DTX1: variants seen among roughly 807,000 people sequenced by gnomAD.
The protein encoded by DTX1 is E3 ubiquitin-protein ligase DTX1.
A neutral mutation model predicts 57.8 loss-of-function variants in DTX1; 26 were observed. That is an observed-to-expected ratio of 0.45 (90% confidence interval 0.33 to 0.62). The LOEUF (loss-of-function observed/expected upper bound fraction) is 0.62. Among genes scored for constraint, DTX1 ranks in the 20% least tolerant of loss-of-function variants. DTX1 has a pLI of 0.02. For missense variants in DTX1, 704 were observed against 895.3 expected (o/e 0.79, Z 2.73); for synonymous variants, 398 against 394.1 (o/e 1.01, Z -0.12).
intron 2 of DTX1, among the ~76,000 whole-genome samples, chr12:113,059,153 T>C (rs2044650260): frequency 6.6e-6 from 1 of 151,554 alleles, no homozygotes; most frequent in African/African-American, 2.4e-5. Flanking sequence ...AGTGATAGTA[T>C]TGATGGTGGT....
chr12:113,094,166 C>T, intron 6 of DTX1, 67 bp downstream of exon 6: 1 of 1,444,914 alleles, frequency 6.9e-7, no homozygotes, highest in Non-Finnish European at 9.5e-7. Flanking sequence ...CTCACCCCTC[C>T]TCCTGGGTTC....
intron 2 of DTX1, among the ~76,000 whole-genome samples, chr12:113,061,045 C>G (rs2044660284): frequency 6.6e-6 from 1 of 152,166 alleles, no homozygotes; most frequent in Non-Finnish European, 1.5e-5. Context: ...GTTCCCGAGT[C>G]CCCAGACTTG....
At chr12:113,080,100 C>A (rs934411008) in intron 3 of DTX1, among the ~76,000 whole-genome samples, 1 of 152,142 alleles carries the variant, frequency 6.6e-6, no homozygotes, top group African/African-American at 2.4e-5. Context: ...TGCATCACAG[C>A]CACTACCACC....
At chr12:113,095,002 G>C (rs756697150) in intron 7 of DTX1, 40 bp from the exon 8 acceptor site, 5 of 1,604,574 alleles carry the variant, frequency 3.1e-6, no homozygotes, top group South Asian at 2.2e-5. Flanking sequence ...GTGGGGTTTG[G>C]GGGGGTGCTG....
intron 3 of DTX1, among the ~76,000 whole-genome samples, chr12:113,087,918 TA>T (rs1356621811): frequency 6.6e-6 from 1 of 152,138 alleles, no homozygotes; most frequent in Admixed American, 6.5e-5. Flanking sequence ...TGGACCCCTC[TA>T]GGGGACAGAG....
chr12:113,098,002 G>A lies in DTX1; in HGVS notation c.*1063G>A, dbSNP rs905841290. 6.5e-6 allele frequency: 1 copy of A among 152,724 alleles called. No individual in the cohort carries two copies. Among genetic ancestry groups the A allele is most frequent in the East Asian group, 1.9e-4 (1 of 5,204 alleles). 9.5% of individuals were successfully genotyped at this position (152,724 alleles called of 1,614,324 possible). Reference sequence around the variant, plus strand: ...AAACCTACCAGTCCCACTGTGGGTGGAGAAATAAATGGTCTTTCTCCTCCT... The same window carrying A: ...AAACCTACCAGTCCCACTGTGGGTGAAGAAATAAATGGTCTTTCTCCTCCT... On this transcript the variant is annotated 3_prime_UTR_variant, in exon 10 of 10. Transcript: ENST00000548759.
chr12:113,071,270 CAG>C (rs904598252), intron 2 of DTX1, among the ~76,000 whole-genome samples: 5 of 152,254 alleles, frequency 3.3e-5, no homozygotes, highest in African/African-American at 1.2e-4. Context: ...CACCCGGTCT[CAG>C]GGGCCCAGCT....
rs755587609 is a variant in DTX1 at position 113,094,851 on chromosome 12, C to T, written c.1290C>T (p.His430=). The part of the protein sequence containing the change: ...TASGYEGVLR[H]KGVRPELVGR... Reference sequence around the variant, plus strand: ...CAGGCTACGAGGGCGTGCTTCGGCACAAGGGCGTGCGGCCTGAGCTCGTGG... The same window carrying T: ...CAGGCTACGAGGGCGTGCTTCGGCATAAGGGCGTGCGGCCTGAGCTCGTGG... Residue 430 remains histidine, a synonymous_variant, in exon 7 of 10, where the codon CAC becomes CAT. Transcript: ENST00000548759. 5 of 1,613,828 alleles carry T rather than the reference C, an allele frequency of 3.1e-6. No individual in the cohort carries two copies. Among genetic ancestry groups the T allele is most frequent in the Non-Finnish European group, 8.5e-7 (1 of 1,180,008 alleles).
chr12:113,063,312 C>T (rs2044679114), intron 2 of DTX1, among the ~76,000 whole-genome samples: 1 of 152,328 alleles, frequency 6.6e-6, no homozygotes, highest in African/African-American at 2.4e-5. Context: ...GAAGAAGCCA[C>T]ATCTTCCCTG....
intron 2 of DTX1, among the ~76,000 whole-genome samples, chr12:113,076,459 A>G (rs2044772709): frequency 2.2e-5 from 1 of 45,650 alleles, no homozygotes; most frequent in Non-Finnish European, 4.4e-5. Context: ...CTCTGCCTGG[A>G]AAAAAAAAAA....
chr12:113,097,322 G>A lies in DTX1; in HGVS notation c.*383G>A, dbSNP rs1467718742. The A allele has an allele frequency of 9.4e-6, 2 of 213,876 alleles. No individual in the cohort carries two copies. The highest frequency in any genetic ancestry group is 1.9e-5 in the Non-Finnish European group (2 of 108,080). The allele number at this position is 213,876 out of a possible 1,614,324, so 13.2% of individuals were successfully genotyped here. ...GACCCCCCCATGTGGATCCCCATCTGTGTCTCAGTTGCATCTGTACAGCCT... is the reference window on the plus strand; with the variant it reads ...GACCCCCCCATGTGGATCCCCATCTATGTCTCAGTTGCATCTGTACAGCCT... On this transcript the variant is annotated 3_prime_UTR_variant, in exon 10 of 10. Transcript: ENST00000548759.
At position 113,077,374 on chromosome 12, in the gene DTX1, C is replaced by T; in HGVS notation, c.260-50C>T. The T allele has an allele frequency of 6.5e-7, 1 of 1,541,032 alleles. No homozygotes were observed. The highest frequency in any genetic ancestry group is 1.3e-5 in the South Asian group (1 of 79,788). ...TGGCTGTGGCCCGCCCTTCCAGCCG[C>T]GCAGACCAACGCCCGCTGTGCTGAC... On this transcript the variant is annotated intron_variant, in intron 2 of 9. Transcript: ENST00000548759. This position sits in a 1 kb window ranked among gnomAD's most constrained non-coding sequence, Gnocchi z 7.8.
At chr12:113,068,908 A>AC (rs1271616489) in intron 2 of DTX1, among the ~76,000 whole-genome samples, 2 of 152,224 alleles carry the variant, frequency 1.3e-5, no homozygotes, top group Non-Finnish European at 2.9e-5. Flanking sequence ...TTCAATCTTC[A>AC]CTTAGTAGCC....
intron 3 of DTX1, among the ~76,000 whole-genome samples, chr12:113,090,947 T>C (rs1950243044): frequency 1.3e-5 from 2 of 152,228 alleles, no homozygotes; most frequent in African/African-American, 2.4e-5. Context: ...CCATGCATGA[T>C]GTGAATCAGT....
At position 113,093,904 on chromosome 12, in the gene DTX1, AACCCTTGCC is replaced by A; in HGVS notation, c.1166-132_1166-124del. 1.4e-6 allele frequency: 2 copies of A among 1,443,588 alleles called. No individual in the cohort carries two copies. The highest frequency in any genetic ancestry group is 1.2e-5 in the South Asian group (1 of 80,762). The allele number at this position is 1,443,588 out of a possible 1,614,324, so 89.4% of individuals were successfully genotyped here. Reference sequence around the variant, plus strand: ...CAACCCCTGACCTCTGACCCTGGCCAACCCTTGCCAGCCTGACCCCGGCCAACCCTTGCC... The same window carrying A: ...CAACCCCTGACCTCTGACCCTGGCCAAGCCTGACCCCGGCCAACCCTTGCC... On this transcript the variant is annotated intron_variant, in intron 5 of 9. Coordinates refer to ENST00000548759, the MANE Select transcript of DTX1 (RefSeq NM_004416.3). The surrounding 1 kb of genome is among the most constrained non-coding windows in gnomAD (Gnocchi z 4.2).
In DTX1 at chr12:113,093,314, T is replaced by C. The variant is rs370829735; in HGVS notation, c.1003+91T>C. ...CGGTGACCCCGCCCCCGAGATGGGC[T>C]GGTGAGCGTGGCCCGGAGGAAACGC... On this transcript the variant is annotated intron_variant, in intron 4 of 9. Coordinates refer to ENST00000548759, the MANE Select transcript of DTX1 (RefSeq NM_004416.3). This position sits in a 1 kb window ranked among gnomAD's most constrained non-coding sequence, Gnocchi z 4.2. The C allele has an allele frequency of 3.5e-4, 510 of 1,453,706 alleles. 5 individuals carry two copies. In the East Asian group the frequency reaches 9.4e-3, roughly 27 times the overall value. The allele number at this position is 1,453,706 out of a possible 1,614,324, so 90.1% of individuals were successfully genotyped here.
At chr12:113,076,799 G>T (rs2044775181) in intron 2 of DTX1, among the ~76,000 whole-genome samples, 1 of 152,178 alleles carries the variant, frequency 6.6e-6, no homozygotes. Context: ...ATGAACTAAG[G>T]CATGAACAGA....
chr12:113,062,701 G>A (rs1464032717), intron 2 of DTX1, among the ~76,000 whole-genome samples: 2 of 152,296 alleles, frequency 1.3e-5, no homozygotes, highest in African/African-American at 2.4e-5. Flanking sequence ...GCACAATGCC[G>A]ACACACACAT....
At chr12:113,066,164 C>G (rs887862156) in intron 2 of DTX1, among the ~76,000 whole-genome samples, 1 of 152,216 alleles carries the variant, frequency 6.6e-6, no homozygotes, top group African/African-American at 2.4e-5. Flanking sequence ...AACCTGGAAA[C>G]AGCTACCTCG....
Sources: allele counts gnomAD v4.1 joint callset (sites outside exome capture counted in the v4.1 genomes callset), GRCh38; gene constraint gnomAD v4.1.1; non-coding constraint Gnocchi (gnomAD v3.1); transcripts MANE v1.5; gene names NCBI Gene and HGNC (gene_info 2026-07-23, HGNC 2026-07-21).